The following WBP11 variants were observed in gnomAD, a reference collection of about 807,000 sequenced individuals.
WBP11 encodes WW domain binding protein 11.
A neutral mutation model predicts 66.7 loss-of-function variants in WBP11; 12 were observed. The observed-to-expected ratio is 0.18, with a 90% CI of 0.12 to 0.29. WBP11 has a LOEUF of 0.29. Ranked by LOEUF, WBP11 falls within the 10% of genes least tolerant of loss-of-function variation. WBP11 has a pLI of 1.00. For synonymous variants in WBP11, 255 were observed against 273.8 expected, an observed-to-expected ratio of 0.93 and a Z score of 0.68; for missense variants, 555 against 818.3, an observed-to-expected ratio of 0.68 and a Z score of 3.93.
intron 8 of WBP11, among the ~76,000 whole-genome samples, chr12:14,791,920 G>T (rs1949825833): frequency 2.0e-5 from 3 of 152,172 alleles, no homozygotes; most frequent in Non-Finnish European, 4.4e-5. Flanking sequence ...CTTATAAGTG[G>T]GAGCTAAGAT....
chr12:14,796,066 A>G lies in WBP11; in HGVS notation c.387+741T>C, dbSNP rs1949891156. On this transcript the variant is annotated intron_variant, in intron 5 of 11. Transcript: ENST00000261167. This position sits in a 1 kb window ranked among gnomAD's most constrained non-coding sequence, Gnocchi z 4.5. ...CATCCCCCAAGGCAACCACGGCTAC[A>G]TTTTTTTTTCCTGCACAGATTATCT... is the stretch of plus-strand genomic sequence containing the variant. Among the ~76,000 whole-genome samples, 1 of 151,480 alleles carries G rather than the reference A, an allele frequency of 6.6e-6. No homozygotes were observed. Among genetic ancestry groups the G allele is most frequent in the Non-Finnish European group, 1.5e-5 (1 of 67,848 alleles).
chr12:14,793,634 G>A, intron 8 of WBP11, 97 bp downstream of exon 8: 1 of 1,407,844 alleles, frequency 7.1e-7, no homozygotes, highest in Non-Finnish European at 9.6e-7. Flanking sequence ...GACTTCCAAA[G>A]ATTTCAGAGT....
At chr12:14,793,091 A>G (rs1031286132) in intron 8 of WBP11, among the ~76,000 whole-genome samples, 3 of 152,122 alleles carry the variant, frequency 2.0e-5, no homozygotes, top group African/African-American at 7.2e-5. Flanking sequence ...ATCAATATTA[A>G]TATTACATAG....
rs202079757 is a variant in WBP11, at chr12:14,791,197, A to G, written c.987T>C (p.Pro329=). 86 of 1,614,152 alleles carry G rather than the reference A, an allele frequency of 5.3e-5. No individual in the cohort carries two copies. In the East Asian group the frequency reaches 1.7e-3, roughly 32 times the overall value. ...CCATACGAAGCATCATGGCTTGAAG[A>G]GGAGTCAGTTCCTTCATGTTCTTCT... The part of the protein sequence containing the change: ...KKKKNMKELT[P]LQAMMLRMAG... The change falls in exon 9 of 12, where the codon CCT becomes CCC. Residue 329 remains proline, a synonymous_variant. Coordinates refer to ENST00000261167, the MANE Select transcript of WBP11 (RefSeq NM_016312.3).
rs372408365 is a variant in WBP11, at chr12:14,793,453, AT to A, written c.913+277del. Among the ~76,000 whole-genome samples, 618 of 152,306 alleles carry A rather than the reference AT, an allele frequency of 4.1e-3. 3 individuals carry two copies. Among genetic ancestry groups the A allele is most frequent in the African/African-American group, 0.014 (592 of 41,562 alleles). ...CTTTCTTTCCTGTAACATACCCATA[AT>A]ACGTTTATGCTGTTGAATAGTTATA... On this transcript the variant is annotated intron_variant, in intron 8 of 11. Coordinates refer to ENST00000261167, the MANE Select transcript of WBP11 (RefSeq NM_016312.3).
chr12:14,797,134 T>G, intron 4 of WBP11, 131 bp from the exon 5 acceptor site: 1 of 538,438 alleles, frequency 1.9e-6, no homozygotes, highest in Non-Finnish European at 2.9e-6. Context: ...ACATACTCTT[T>G]TCAATTTTAT....
In WBP11 at chr12:14,787,005, G is replaced by A. The variant is rs2137226424; in HGVS notation, c.*60C>T. ...CAGCTCTTTCATCTAAGTTTAATAA[G>A]AGCCTCTTTCTCCATGGGCCACTGT... On this transcript the variant is annotated 3_prime_UTR_variant, in exon 12 of 12. Coordinates refer to ENST00000261167, the MANE Select transcript of WBP11 (RefSeq NM_016312.3). 1 of 1,466,858 alleles carries A rather than the reference G, an allele frequency of 6.8e-7. No individual in the cohort carries two copies. The highest frequency in any genetic ancestry group is 2.3e-5 in the East Asian group (1 of 42,928). 90.9% of individuals were successfully genotyped at this position (1,466,858 alleles called of 1,614,324 possible). A position where few individuals can be genotyped will look rare whatever the true frequency, so the allele number is the denominator to read the frequency against.
chr12:14,787,020 T>G lies in WBP11; in HGVS notation c.*45A>C. 2.6e-6 allele frequency: 4 copies of G among 1,528,466 alleles called. No individual in the cohort carries two copies. Among genetic ancestry groups the G allele is most frequent in the Non-Finnish European group, 3.5e-6 (4 of 1,132,892 alleles). The allele number at this position is 1,528,466 out of a possible 1,614,324, so 94.7% of individuals were successfully genotyped here. Reference sequence around the variant, plus strand: ...AGTTTAATAAGAGCCTCTTTCTCCATGGGCCACTGTTGTGAACAGAAGCCT... The same window carrying G: ...AGTTTAATAAGAGCCTCTTTCTCCAGGGGCCACTGTTGTGAACAGAAGCCT... On this transcript the variant is annotated 3_prime_UTR_variant, in exon 12 of 12. Coordinates refer to ENST00000261167, the MANE Select transcript of WBP11 (RefSeq NM_016312.3).
intron 8 of WBP11, among the ~76,000 whole-genome samples, chr12:14,793,100 A>G (rs1949840846): frequency 6.6e-6 from 1 of 152,202 alleles, no homozygotes. Flanking sequence ...AATATTACAT[A>G]GTATTATATA....
intron 8 of WBP11, 57 bp downstream of exon 8, chr12:14,793,674 C>G: frequency 6.4e-7 from 1 of 1,551,658 alleles, no homozygotes; most frequent in Non-Finnish European, 8.8e-7. Context: ...TAAATTAGGA[C>G]CTTCAGCTTG....
intron 4 of WBP11, among the ~76,000 whole-genome samples, chr12:14,799,133 T>C (rs915208996): frequency 1.3e-5 from 2 of 152,174 alleles, no homozygotes; most frequent in African/African-American, 4.8e-5. Flanking sequence ...AGGCAGAGAA[T>C]CCTGGTATAG....
chr12:14,793,978 G>T, intron 7 of WBP11, 56 bp from the exon 8 acceptor site: 1 of 1,365,758 alleles, frequency 7.3e-7, no homozygotes, highest in South Asian at 1.7e-5. Flanking sequence ...TCCACTACAT[G>T]GTACCCAGAA....
At chr12:14,799,766 C>A in intron 3 of WBP11, 38 bp from the exon 4 acceptor site, 3 of 1,584,404 alleles carry the variant, frequency 1.9e-6, no homozygotes, top group Non-Finnish European at 2.6e-6. Context: ...AGAAGTCAGG[C>A]ACTCAGGAGT....
At chr12:14,792,052 G>C (rs1360724169) in intron 8 of WBP11, among the ~76,000 whole-genome samples, 1 of 151,958 alleles carries the variant, frequency 6.6e-6, no homozygotes, top group Non-Finnish European at 1.5e-5. Context: ...ACTTGGGTGA[G>C]GGATGCATCA....
chr12:14,789,594 A>T lies in WBP11; in HGVS notation c.1310-461T>A, dbSNP rs527840289. 6.6e-4 allele frequency among the ~76,000 whole-genome samples: 101 copies of T among 152,238 alleles called. 1 individual carries two copies. Among genetic ancestry groups the T allele is most frequent in the South Asian group, 1.5e-3 (7 of 4,826 alleles). ...AACAAGACTCCGTCTTAAAAAAAAAAATATATCTGAGCACCAGAAAAATGG... is the reference window on the plus strand; with the variant it reads ...AACAAGACTCCGTCTTAAAAAAAAATATATATCTGAGCACCAGAAAAATGG... On this transcript the variant is annotated intron_variant, in intron 10 of 11. Coordinates refer to ENST00000261167, the MANE Select transcript of WBP11 (RefSeq NM_016312.3).
chr12:14,791,341 C>A (rs562728355), intron 8 of WBP11, 71 bp from the exon 9 acceptor site: 2 of 1,253,582 alleles, frequency 1.6e-6, no homozygotes, highest in South Asian at 1.3e-5. Context: ...CTACGTAGCA[C>A]TATAAAGTAC....
Position 14,788,934 on chromosome 12 carries a change from G to T in WBP11, c.1492+17C>A. 1 of 1,385,752 alleles carries T rather than the reference G, an allele frequency of 7.2e-7. No individual in the cohort carries two copies. Among genetic ancestry groups the T allele is most frequent in the Non-Finnish European group, 9.4e-7 (1 of 1,059,264 alleles). The allele number at this position is 1,385,752 out of a possible 1,614,324, so 85.8% of individuals were successfully genotyped here. A position where few individuals can be genotyped will look rare whatever the true frequency, so the allele number is the denominator to read the frequency against. ...AACAGCAGGCTAAGTTTTTATTATA[G>T]AAATTGAAAGCATCACCTGGAGGTG... On this transcript the variant is annotated intron_variant, in intron 11 of 11. Transcript: ENST00000261167.
intron 10 of WBP11, 95 bp from the exon 11 acceptor site, chr12:14,789,228 C>A (rs936996410): frequency 8.6e-7 from 1 of 1,156,628 alleles, no homozygotes; most frequent in South Asian, 1.7e-5. Flanking sequence ...TGACTTTAAC[C>A]TGAAATCAGA....
At chr12:14,803,077 G>A (rs1387867051) in intron 1 of WBP11, among the ~76,000 whole-genome samples, 1 of 147,214 alleles carries the variant, frequency 6.8e-6, no homozygotes, top group Non-Finnish European at 1.5e-5. Context: ...AGCGACGGCT[G>A]ACCGACCATG....
Sources: allele counts gnomAD v4.1 joint callset (sites outside exome capture counted in the v4.1 genomes callset), GRCh38; gene constraint gnomAD v4.1.1; non-coding constraint Gnocchi (gnomAD v3.1); transcripts MANE v1.5; gene names NCBI Gene and HGNC (gene_info 2026-07-23, HGNC 2026-07-21).